NRXN1: variants seen among roughly 807,000 people sequenced by gnomAD.
NRXN1 encodes neurexin 1.
A neutral mutation model predicts 150.9 loss-of-function variants in NRXN1; 39 were observed. The observed-to-expected ratio is 0.26, with a 90% confidence interval of 0.20 to 0.34. The LOEUF is 0.34. NRXN1 is among the 10% of genes least tolerant of loss of function. NRXN1 has a pLI of 1.00. For missense variants in NRXN1, 1,815 were observed against 1,949.9 expected (o/e 0.93, Z 1.30); for synonymous variants, 924 against 757.0 (o/e 1.22, Z -3.62).
intron 2 of NRXN1, among the ~76,000 whole-genome samples, chr2:50,947,029 T>C (rs1263590012): frequency 6.6e-6 from 1 of 152,198 alleles, no homozygotes; most frequent in Non-Finnish European, 1.5e-5. Context: ...AAGGCAATCC[T>C]ATTCTTACTG....
At chr2:50,638,758 A>G (rs761343993) in intron 5 of NRXN1, among the ~76,000 whole-genome samples, 19 of 152,188 alleles carry the variant, frequency 1.2e-4, no homozygotes, top group Non-Finnish European at 2.2e-4. Context: ...TGGCAAAAAT[A>G]TTTGATATAT....
At chr2:50,309,784 C>G (rs2075011997) in intron 17 of NRXN1, among the ~76,000 whole-genome samples, 1 of 152,280 alleles carries the variant, frequency 6.6e-6, no homozygotes, top group Non-Finnish European at 1.5e-5. Context: ...AAATTAGCCT[C>G]CTCCTAAGTC....
intron 21 of NRXN1, among the ~76,000 whole-genome samples, chr2:50,034,065 A>G (rs1210658547): frequency 2.6e-5 from 4 of 151,988 alleles, no homozygotes; most frequent in Non-Finnish European, 2.9e-5. Flanking sequence ...TAGTTCAACC[A>G]TTGTGGAAAA....
chr2:50,251,623 G>C (rs1362197849), intron 17 of NRXN1, among the ~76,000 whole-genome samples: 1 of 152,080 alleles, frequency 6.6e-6, no homozygotes. Flanking sequence ...TTCCACACTG[G>C]TTGAACTAAT....
At chr2:50,695,187 G>C (rs1692640844) in intron 5 of NRXN1, among the ~76,000 whole-genome samples, 1 of 152,012 alleles carries the variant, frequency 6.6e-6, no homozygotes, top group Admixed American at 6.6e-5. Context: ...CCTGGGTAAG[G>C]GGGTGGCGGT....
intron 2 of NRXN1, among the ~76,000 whole-genome samples, chr2:51,018,908 T>C (rs1370751419): frequency 1.3e-5 from 2 of 152,040 alleles, no homozygotes; most frequent in Non-Finnish European, 2.9e-5. Flanking sequence ...TCAAGTAGAA[T>C]ATGAAAAGAA....
At chr2:50,829,746 C>T (rs991701649) in intron 5 of NRXN1, 56 of 1,576,732 alleles carry the variant, frequency 3.6e-5, no homozygotes, top group African/African-American at 3.4e-4. Context: ...CAAGGTTGCA[C>T]GGCATGGCCC....
intron 8 of NRXN1, among the ~76,000 whole-genome samples, chr2:50,584,676 C>T (rs1672807812): frequency 6.6e-6 from 1 of 152,098 alleles, no homozygotes; most frequent in Admixed American, 6.5e-5. Context: ...GTTCTGTTAC[C>T]TTAGGTTGGT....
At chr2:50,614,542 C>T (rs1036249373) in intron 8 of NRXN1, among the ~76,000 whole-genome samples, 9 of 150,642 alleles carry the variant, frequency 6.0e-5, no homozygotes, top group African/African-American at 1.2e-4. Context: ...ATGTAAATGA[C>T]GAGTTAATGG....
intron 5 of NRXN1, chr2:50,913,059 G>A (rs1216336750): frequency 3.3e-5 from 5 of 151,800 alleles, no homozygotes; most frequent in Non-Finnish European, 7.4e-5. Context: ...CCACACTGCT[G>A]AGAAAACAAT....
At chr2:50,410,433 T>A (rs1444211664) in intron 17 of NRXN1, among the ~76,000 whole-genome samples, 1 of 152,218 alleles carries the variant, frequency 6.6e-6, no homozygotes, top group Non-Finnish European at 1.5e-5. Flanking sequence ...GTATGCAGGA[T>A]GTCAACTGCA....
At chr2:50,929,330 CT>C (rs1687387728) in intron 2 of NRXN1, among the ~76,000 whole-genome samples, 1 of 152,006 alleles carries the variant, frequency 6.6e-6, no homozygotes. Context: ...CAAAAATCTC[CT>C]TTCTGTATAA....
chr2:50,500,309 T>A (rs2104943348), intron 13 of NRXN1, among the ~76,000 whole-genome samples: 1 of 151,972 alleles, frequency 6.6e-6, no homozygotes, highest in South Asian at 2.1e-4. Context: ...AAAAAGGTAG[T>A]ACAACAGCAT....
At chr2:49,971,848 A>T (rs1678014070) in intron 21 of NRXN1, among the ~76,000 whole-genome samples, 1 of 152,190 alleles carries the variant, frequency 6.6e-6, no homozygotes, top group Non-Finnish European at 1.5e-5. Context: ...AGGTACCAAA[A>T]GTAAAAATTT....
intron 18 of NRXN1, among the ~76,000 whole-genome samples, chr2:50,101,333 G>A (rs1209196164): frequency 6.6e-6 from 1 of 151,942 alleles, no homozygotes; most frequent in Non-Finnish European, 1.5e-5. Context: ...CAGGAAAGGG[G>A]CATTCTATCA....
At chr2:50,857,834 T>C (rs1156799917) in intron 5 of NRXN1, among the ~76,000 whole-genome samples, 1 of 151,906 alleles carries the variant, frequency 6.6e-6, no homozygotes, top group Non-Finnish European at 1.5e-5. Context: ...AAACAGACAA[T>C]GGAATAAAAT....
intron 2 of NRXN1, among the ~76,000 whole-genome samples, chr2:50,934,813 A>T (rs1688279675): frequency 6.6e-6 from 1 of 152,212 alleles, no homozygotes; most frequent in South Asian, 2.1e-4. Context: ...ACTTAACCTT[A>T]AAATAATAAC....
intron 19 of NRXN1, among the ~76,000 whole-genome samples, chr2:50,090,740 A>G (rs1699444622): frequency 6.6e-6 from 1 of 152,166 alleles, no homozygotes; most frequent in South Asian, 2.1e-4. Flanking sequence ...CTAGTGTCAA[A>G]GAATCCTCAT....
intron 17 of NRXN1, among the ~76,000 whole-genome samples, chr2:50,305,031 A>C (rs530833114): frequency 6.6e-6 from 1 of 152,274 alleles, no homozygotes; most frequent in East Asian, 1.9e-4. Context: ...CAGAGGGTGT[A>C]GTGAGCCAAG....
Sources: allele counts gnomAD v4.1 joint callset (sites outside exome capture counted in the v4.1 genomes callset), GRCh38; gene constraint gnomAD v4.1.1; transcripts MANE v1.5; gene names NCBI Gene and HGNC (gene_info 2026-07-23, HGNC 2026-07-21).